The following CDK5RAP2 variants were observed in gnomAD, a reference collection of about 807,000 sequenced individuals.
CDK5RAP2 encodes CDK5 regulatory subunit associated protein 2, also known as CDK5 regulatory subunit-associated protein 2.
A neutral mutation model predicts 232.9 loss-of-function variants in CDK5RAP2; 147 were observed. The ratio of observed to expected loss-of-function variants is 0.63; its 90% CI spans 0.55 to 0.72. The LOEUF (loss-of-function observed/expected upper bound fraction) is 0.72, where lower values mean the gene tolerates loss of function less well. Ranked by LOEUF, CDK5RAP2 falls within the 30% of genes least tolerant of loss-of-function variation. The pLI is 0.00. For missense variants in CDK5RAP2, 2,195 were observed against 2,231.5 expected, an observed-to-expected ratio of 0.98 and a Z score of 0.33; for synonymous variants, 833 against 833.7, an observed-to-expected ratio of 1.00 and a Z score of 0.01.
intron 12 of CDK5RAP2, among the ~76,000 whole-genome samples, chr9:120,503,981 G>A (rs1212489911): frequency 1.3e-5 from 2 of 152,132 alleles, no homozygotes; most frequent in African/African-American, 2.4e-5. Context: ...TGAAAAGCGA[G>A]GATTTGGTGC....
chr9:120,563,997 C>T lies in CDK5RAP2; in HGVS notation c.195+4324G>A, dbSNP rs1000072843. Reference sequence around the variant, plus strand: ...AAAAGATAAGGAGACCAGGTGTGGACAGGATACAGGCAATTGTTTCAGCCA... The same window carrying T: ...AAAAGATAAGGAGACCAGGTGTGGATAGGATACAGGCAATTGTTTCAGCCA... On this transcript the variant is annotated intron_variant, in intron 3 of 37. Transcript: ENST00000349780. Among the ~76,000 whole-genome samples the T allele has an allele frequency of 7.2e-5, 11 of 152,252 alleles. No homozygotes were observed. The East Asian group carries it at 1.3e-3, about 19-fold the overall frequency.
intron 13 of CDK5RAP2, among the ~76,000 whole-genome samples, chr9:120,490,791 T>C (rs1344671622): frequency 6.6e-6 from 1 of 152,250 alleles, no homozygotes; most frequent in Non-Finnish European, 1.5e-5. Flanking sequence ...TTTATACCTT[T>C]TTATTCTTTC....
chr9:120,477,438 A>G lies in CDK5RAP2; in HGVS notation c.1639T>C (p.Ser547Pro). Residue 547 changes from serine (S) to proline (P), a missense_variant, in exon 15 of 38, where the codon TCA (serine) becomes CCA (proline). Ser to Pro is a moderately conservative substitution (Grantham distance 74). Transcript: ENST00000349780. ...KTIFSKEKKQSSDYEELIQVL... is the reference protein window; with the variant it reads ...KTIFSKEKKQPSDYEELIQVL... The stretch of plus-strand genomic sequence containing the variant: ...TGAATCAGCTCTTCATAGTCTGATG[A>G]TTGTTTCTTTTCCTGGAAATGACAA... 1 of 1,612,800 alleles carries G rather than the reference A, an allele frequency of 6.2e-7. No individual in the cohort carries two copies. The highest frequency in any genetic ancestry group is 8.5e-7 in the Non-Finnish European group (1 of 1,179,018).
intron 25 of CDK5RAP2, among the ~76,000 whole-genome samples, chr9:120,433,278 T>C (rs1242028721): frequency 3.3e-5 from 5 of 152,210 alleles, no homozygotes; most frequent in Non-Finnish European, 7.3e-5. Flanking sequence ...AACTCTTATT[T>C]GTTAAGTCTA....
At chr9:120,443,390 G>A (rs1263220910) in intron 23 of CDK5RAP2, among the ~76,000 whole-genome samples, 1 of 152,200 alleles carries the variant, frequency 6.6e-6, no homozygotes, top group African/African-American at 2.4e-5. Context: ...GCTGACACAT[G>A]GACGGGTGGG....
chr9:120,478,695 C>G (rs972866892), intron 14 of CDK5RAP2, among the ~76,000 whole-genome samples: 1 of 152,166 alleles, frequency 6.6e-6, no homozygotes, highest in African/African-American at 2.4e-5. Context: ...ACAGGAGGAT[C>G]CCTTGAGCCC....
chr9:120,553,713 T>C (rs1182869878), intron 3 of CDK5RAP2, among the ~76,000 whole-genome samples: 1 of 152,226 alleles, frequency 6.6e-6, no homozygotes, highest in African/African-American at 2.4e-5. Flanking sequence ...TGTTCACATA[T>C]GATTTGTGGG....
At chr9:120,495,925 A>G (rs2039193251) in intron 12 of CDK5RAP2, among the ~76,000 whole-genome samples, 1 of 86,820 alleles carries the variant, frequency 1.2e-5, no homozygotes, top group South Asian at 5.6e-4. Context: ...TCCGGGAGGG[A>G]GATGGGGGGG....
At chr9:120,515,661 A>T (rs914015818) in intron 12 of CDK5RAP2, among the ~76,000 whole-genome samples, 1 of 152,256 alleles carries the variant, frequency 6.6e-6, no homozygotes, top group Admixed American at 6.5e-5. Flanking sequence ...ATAATTAACC[A>T]GTATAAAATA....
In CDK5RAP2 at chr9:120,550,804, A is replaced by T; in HGVS notation, c.294T>A (p.His98Gln). 6.3e-7 allele frequency: 1 copy of T among 1,595,626 alleles called. No individual in the cohort carries two copies. Among genetic ancestry groups the T allele is most frequent in the Non-Finnish European group, 8.6e-7 (1 of 1,163,138 alleles). ...MQQEFHGPTE[H>Q]IYKTNIELKV... ...ATGGGCCACTCACAGTTTTGTAGAT[A>T]TGTTCAGTGGGGCCATGAAATTCCT... Residue 98 changes from histidine to glutamine, a missense_variant, in exon 4 of 38, where the codon CAT becomes CAA. Coordinates refer to ENST00000349780, the MANE Select transcript of CDK5RAP2 (RefSeq NM_018249.6).
rs61756286 is a variant in CDK5RAP2 at position 120,539,136 on chromosome 9, C to T, written c.412G>A (p.Gly138Ser). The T allele has an allele frequency of 1.6e-3, 2,560 of 1,613,964 alleles. 10 individuals are homozygous for T. The highest frequency in any genetic ancestry group is 4.5e-3 in the Middle Eastern group (27 of 6,058). Reference protein sequence around the residue: ...SKAVESLAEAGGSEIQRVKED... With the variant: ...SKAVESLAEASGSEIQRVKED... Reference sequence around the variant, plus strand: ...TTCACCCGCTGGATTTCAGAGCCACCTGCTTCAGCTAAGCTCTCAACTGCT... The same window carrying T: ...TTCACCCGCTGGATTTCAGAGCCACTTGCTTCAGCTAAGCTCTCAACTGCT... The change falls in exon 6 of 38, where the codon GGT becomes AGT. Residue 138 changes from glycine (G) to serine (S), a missense_variant. By Grantham distance (56) the Gly-to-Ser change is moderately conservative. Coordinates refer to ENST00000349780, the MANE Select transcript of CDK5RAP2 (RefSeq NM_018249.6).
intron 2 of CDK5RAP2, among the ~76,000 whole-genome samples, chr9:120,571,101 T>C (rs978057325): frequency 2.0e-5 from 3 of 152,212 alleles, no homozygotes; most frequent in Non-Finnish European, 4.4e-5. Context: ...AAGGCTGCAG[T>C]GTGCGTGATC....
At chr9:120,407,503 C>G in intron 31 of CDK5RAP2, 1 of 537,142 alleles carries the variant, frequency 1.9e-6, no homozygotes, top group Non-Finnish European at 3.4e-6. Context: ...AATTGCACAC[C>G]AAACCCCGAA....
At chr9:120,467,757 C>A in intron 18 of CDK5RAP2, 103 bp downstream of exon 18, 2 of 1,257,082 alleles carry the variant, frequency 1.6e-6, no homozygotes, top group South Asian at 1.2e-5. Context: ...GTGATCCTCC[C>A]ACCTCAGCCT....
At chr9:120,509,986 T>A (rs568339317) in intron 12 of CDK5RAP2, among the ~76,000 whole-genome samples, 107 of 152,290 alleles carry the variant, frequency 7.0e-4, no homozygotes, top group African/African-American at 2.5e-3. Flanking sequence ...CATTTTTTTT[T>A]AGGGCAAGAG....
At chr9:120,429,222 C>T (rs1003166633) in intron 25 of CDK5RAP2, among the ~76,000 whole-genome samples, 3 of 149,998 alleles carry the variant, frequency 2.0e-5, no homozygotes, top group African/African-American at 7.3e-5. Context: ...CCTCTCTCAC[C>T]ACTCCTATTC....
At chr9:120,538,937 G>C in intron 6 of CDK5RAP2, 104 bp downstream of exon 6, 1 of 1,250,514 alleles carries the variant, frequency 8.0e-7, no homozygotes, top group East Asian at 2.4e-5. Flanking sequence ...GGTAGCTGTT[G>C]TTTCTGCTGA....
chr9:120,493,231 G>T (rs1419565756), intron 12 of CDK5RAP2, among the ~76,000 whole-genome samples: 1 of 152,226 alleles, frequency 6.6e-6, no homozygotes, highest in South Asian at 2.1e-4. Flanking sequence ...TTTTAGTCCA[G>T]TGGGACCCAT....
intron 12 of CDK5RAP2, among the ~76,000 whole-genome samples, chr9:120,511,595 G>T (rs1229041455): frequency 6.6e-6 from 1 of 152,142 alleles, no homozygotes; most frequent in Non-Finnish European, 1.5e-5. Flanking sequence ...GCCAGCAAAA[G>T]CTGTCCTTTT....
Sources: allele counts gnomAD v4.1 joint callset (sites outside exome capture counted in the v4.1 genomes callset), GRCh38; gene constraint gnomAD v4.1.1; transcripts MANE v1.5; gene names NCBI Gene and HGNC (gene_info 2026-07-23, HGNC 2026-07-21).